APRT: variants seen among roughly 807,000 people sequenced by gnomAD.
APRT encodes AMP diphosphorylase.
In APRT, 25 loss-of-function variants were observed where a neutral mutation model predicts 21.0. The ratio of observed to expected loss-of-function variants is 1.19; its 90% CI spans 0.87 to 1.66. The LOEUF is 1.66. APRT is among the 40% of genes most tolerant of loss of function. APRT has a pLI of 0.00. For missense variants in APRT, 294 were observed against 232.7 expected (o/e 1.26, Z -1.72); for synonymous variants, 153 against 109.0 (o/e 1.40, Z -2.52).
In APRT at chr16:88,809,861, T is replaced by A. The variant is rs751875229; in HGVS notation, c.401-21A>T. On this transcript the variant is annotated intron_variant, in intron 4 of 4. Transcript: ENST00000378364. ...GGTTCCTGGGGATGGGAGGGTGAGG[T>A]CCCCAGTTGGCCTGGGCTGCAGAGA... 6.2e-6 allele frequency: 10 copies of A among 1,608,108 alleles called. No homozygotes were observed. The Admixed American group carries it at 6.7e-5, about 11-fold the overall frequency.
chr16:88,810,338 C>A, intron 3 of APRT, 85 bp downstream of exon 3: 1 of 1,577,602 alleles, frequency 6.3e-7, no homozygotes, highest in Non-Finnish European at 8.6e-7. Flanking sequence ...CCACTTGACA[C>A]GCCTGGGAAG....
Position 88,810,528 on chromosome 16 carries a change from G to T in APRT, c.216C>A (p.Gly72=), listed in dbSNP as rs377050219. 1.2e-4 allele frequency: 198 copies of T among 1,611,932 alleles called. No homozygotes were observed. Among genetic ancestry groups the T allele is most frequent in the Middle Eastern group, 1.6e-4 (1 of 6,082 alleles). The change falls in exon 3 of 5, where the codon GGC becomes GGA. Residue 72 remains glycine, a synonymous_variant. Transcript: ENST00000378364. The stretch of plus-strand genomic sequence containing the variant: ...GTCCAAGCTCCTGGGCCAGGGAGGG[G>T]CCAAAGAGGAAGCCTCGGGAGTCTA... ...AGLDSRGFLF[G]PSLAQELGLG...
chr16:88,811,772 C>G, intron 1 of APRT, 48 bp downstream of exon 1: 1 of 1,526,194 alleles, frequency 6.6e-7, no homozygotes, highest in Non-Finnish European at 8.8e-7. Flanking sequence ...GCGCTCCCAT[C>G]CGTAGGCCCG....
chr16:88,811,236 A>G (rs796519059), intron 2 of APRT: 5 of 487,934 alleles, frequency 1.0e-5, no homozygotes, highest in African/African-American at 1.0e-4. Flanking sequence ...CAGCTCGCAG[A>G]AGGAACAAGA....
chr16:88,810,270 AGCCC>A lies in APRT; in HGVS notation c.322-126_322-123del, dbSNP rs8191488. The A allele has an allele frequency of 0.05, 74,682 of 1,492,832 alleles. 2,376 individuals carry two copies. The highest frequency in any genetic ancestry group is 0.099 in the Middle Eastern group (579 of 5,872). The allele number at this position is 1,492,832 out of a possible 1,614,324, so 92.5% of individuals were successfully genotyped here. On this transcript the variant is annotated intron_variant, in intron 3 of 4. Coordinates refer to ENST00000378364, the MANE Select transcript of APRT (RefSeq NM_000485.3). ...CACCTTGCTGTTACCTGGCTGTGTG[AGCCC>A]AGCCTATGTCTCAACCTCTCTGAGC...
At chr16:88,811,247 A>G in intron 2 of APRT, 2 of 507,038 alleles carry the variant, frequency 3.9e-6, no homozygotes. Flanking sequence ...AGGAACAAGA[A>G]GCAAGGCAGC....
In APRT at chr16:88,810,495, G is replaced by A. The variant is rs749439155; in HGVS notation, c.249C>T (p.Cys83=). 25 of 1,612,162 alleles carry A rather than the reference G, an allele frequency of 1.6e-5. No individual in the cohort carries two copies. Among genetic ancestry groups the A allele is most frequent in the Middle Eastern group, 1.6e-4 (1 of 6,084 alleles). Residue 83 remains cysteine (C), a synonymous_variant, in exon 3 of 5, where the codon TGC becomes TGT. Transcript: ENST00000378364. ...PSLAQELGLG[C]VLIRKRGKLP... ...GCTTCCCCCGCTTTCGGATGAGCAC[G>A]CAGCCCAGTCCAAGCTCCTGGGCCA... is the stretch of plus-strand genomic sequence containing the variant.
intron 4 of APRT, 107 bp downstream of exon 4, chr16:88,809,963 C>T (rs1482657344): frequency 4.5e-6 from 7 of 1,566,920 alleles, no homozygotes; most frequent in Non-Finnish European, 5.2e-6. Flanking sequence ...GGCCACCAGG[C>T]ACCCTCTGGA....
At chr16:88,809,921 G>GGGAAGGCATGGGGAGA in intron 4 of APRT, 81 bp from the exon 5 acceptor site, 1 of 1,585,066 alleles carries the variant, frequency 6.3e-7, no homozygotes, top group Non-Finnish European at 8.6e-7. Flanking sequence ...GGTTGGGGAG[G>GGGAAGGCATGGGGAGA]GGAAGGCATG....
At position 88,810,432 on chromosome 16, in the gene APRT, C is replaced by T. The variant is rs1188342302; in HGVS notation, c.312G>A (p.Glu104=). ...GPTLWASYSL[E]YGKAELEIQK... ...ACCCCAGCCCTCTTACCTTCCCGTACTCCAGGGAATAGGAGGCCCACAGAG... is the reference window on the plus strand; with the variant it reads ...ACCCCAGCCCTCTTACCTTCCCGTATTCCAGGGAATAGGAGGCCCACAGAG... The change falls in exon 3 of 5, where the codon GAG becomes GAA. Residue 104 remains glutamate, a synonymous_variant. Transcript: ENST00000378364. 3 of 1,612,098 alleles carry T rather than the reference C, an allele frequency of 1.9e-6. No individual in the cohort carries two copies. Among genetic ancestry groups the T allele is most frequent in the Non-Finnish European group, 1.7e-6 (2 of 1,180,008 alleles).
chr16:88,811,370 C>A (rs550330429), intron 2 of APRT, 180 bp downstream of exon 2: 2 of 657,680 alleles, frequency 3.0e-6, no homozygotes, highest in Admixed American at 2.8e-5. Context: ...GCCTGCACAG[C>A]GCGGCGGCCT....
chr16:88,810,079 CCAG>C lies in APRT; in HGVS notation c.388_390del (p.Leu130del), dbSNP rs1357521766. The C allele has an allele frequency of 6.2e-7, 1 of 1,613,210 alleles. No homozygotes were observed. The highest frequency in any genetic ancestry group is 2.2e-5 in the East Asian group (1 of 44,892). On this transcript the variant is annotated inframe_deletion, in exon 4 of 5. Transcript: ENST00000378364. ...GCGGGGAGACCCTTACCACCAGTGG[CCAG>C]CAGATCATCCACGACGACCACCCTC...
chr16:88,810,320 C>T (rs1424698489), intron 3 of APRT, 103 bp downstream of exon 3: 14 of 1,553,274 alleles, frequency 9.0e-6, no homozygotes, highest in Non-Finnish European at 1.1e-5. Flanking sequence ...ACTGTAACCA[C>T]AGCAGCTCCA....
At position 88,809,674 on chromosome 16, in the gene APRT, A is replaced by C. The variant is rs1384802171; in HGVS notation, c.*24T>G. 4.3e-6 allele frequency: 7 copies of C among 1,613,014 alleles called. No individual in the cohort carries two copies. The highest frequency in any genetic ancestry group is 5.9e-6 in the Non-Finnish European group (7 of 1,179,890). ...ATATTTCCCTGGGATCCAGCTGGAGATGTTGGGCTGGGAGGCCCTGTGGTC... is the reference window on the plus strand; with the variant it reads ...ATATTTCCCTGGGATCCAGCTGGAGCTGTTGGGCTGGGAGGCCCTGTGGTC... On this transcript the variant is annotated 3_prime_UTR_variant, in exon 5 of 5. Coordinates refer to ENST00000378364, the MANE Select transcript of APRT (RefSeq NM_000485.3).
rs117335001 is a variant in APRT at position 88,810,484 on chromosome 16, C to T, written c.260G>A (p.Arg87Gln). Reference sequence around the variant, plus strand: ...GGGGCCTGGCAGCTTCCCCCGCTTTCGGATGAGCACGCAGCCCAGTCCAAG... The same window carrying T: ...GGGGCCTGGCAGCTTCCCCCGCTTTTGGATGAGCACGCAGCCCAGTCCAAG... ...QELGLGCVLI[R>Q]KRGKLPGPTL... The change falls in exon 3 of 5, where the codon CGA (arginine) becomes CAA (glutamine). Residue 87 changes from arginine to glutamine, a missense_variant. Physicochemically the swap from Arg to Gln is conservative, Grantham distance 43. Coordinates refer to ENST00000378364, the MANE Select transcript of APRT (RefSeq NM_000485.3). 54 of 1,612,386 alleles carry T rather than the reference C, an allele frequency of 3.3e-5. No homozygotes were observed. In the Admixed American group the frequency reaches 4.0e-4, roughly 12 times the overall value.
At chr16:88,810,388 C>A in intron 3 of APRT, 35 bp downstream of exon 3, 1 of 1,608,780 alleles carries the variant, frequency 6.2e-7, no homozygotes, top group South Asian at 1.1e-5. Context: ...GGTGGCCTGG[C>A]CCTGCCCTTC....
rs1909042566 is a variant in APRT, at chr16:88,809,847, A to T, written c.401-7T>A. 2 of 1,610,370 alleles carry T rather than the reference A, an allele frequency of 1.2e-6. No individual in the cohort carries two copies. The highest frequency in any genetic ancestry group is 4.5e-5 in the East Asian group (2 of 44,884). Reference sequence around the variant, plus strand: ...CAGGCAGCGTTCATGGTTCCTGGGGATGGGAGGGTGAGGTCCCCAGTTGGC... The same window carrying T: ...CAGGCAGCGTTCATGGTTCCTGGGGTTGGGAGGGTGAGGTCCCCAGTTGGC... On this transcript the variant is annotated splice_polypyrimidine_tract_variant and splice_region_variant and intron_variant, in intron 4 of 4. Coordinates refer to ENST00000378364, the MANE Select transcript of APRT (RefSeq NM_000485.3).
rs1747953382 is a variant in APRT, at chr16:88,809,593, G to GA, written c.*104dup. On this transcript the variant is annotated 3_prime_UTR_variant, in exon 5 of 5. Coordinates refer to ENST00000378364, the MANE Select transcript of APRT (RefSeq NM_000485.3). The stretch of plus-strand genomic sequence containing the variant: ...GGAGAGGCGCTGAACCCCAGCAAAG[G>GA]AATGTGTTCCCTGTGGGCAGCCGGT... 2 of 1,548,364 alleles carry GA rather than the reference G, an allele frequency of 1.3e-6. No individual in the cohort carries two copies. The highest frequency in any genetic ancestry group is 1.8e-6 in the Non-Finnish European group (2 of 1,125,708).
chr16:88,809,543 C>T lies in APRT; in HGVS notation c.*155G>A, dbSNP rs560072301. 3.2e-5 allele frequency: 40 copies of T among 1,237,642 alleles called. No individual in the cohort carries two copies. The South Asian group carries it at 4.9e-4, about 15-fold the overall frequency. The allele number at this position is 1,237,642 out of a possible 1,614,324, so 76.7% of individuals were successfully genotyped here. The stretch of plus-strand genomic sequence containing the variant: ...AGTGTGGCTGAAACACAGCTTTGCC[C>T]CAGGCTTTGGCACTTCCAGCCCCAG... On this transcript the variant is annotated 3_prime_UTR_variant, in exon 5 of 5. Coordinates refer to ENST00000378364, the MANE Select transcript of APRT (RefSeq NM_000485.3).
Sources: gnomAD v4.1 joint callset for allele counts on GRCh38, gnomAD v4.1.1 for gene constraint, MANE v1.5 for transcripts, NCBI Gene and HGNC (gene_info 2026-07-23, HGNC 2026-07-21) for gene names.